Variants in PCDHGA2 observed in about 807,000 individuals in gnomAD.
The protein encoded by PCDHGA2 is protocadherin gamma-A2.
Under a neutral mutation model 59.2 loss-of-function variants are expected in PCDHGA2, and 40 were observed. The ratio of observed to expected loss-of-function variants is 0.68; its 90% CI spans 0.52 to 0.88. The LOEUF (loss-of-function observed/expected upper bound fraction) is 0.88. PCDHGA2 is among the 40% of genes least tolerant of loss of function. The pLI is 0.00. For synonymous variants in PCDHGA2, 560 were observed against 526.0 expected (o/e 1.06, Z -0.89); for missense variants, 1,226 against 1,204.0 (o/e 1.02, Z -0.27).
At position 141,422,850 on chromosome 5, in the gene PCDHGA2, G is replaced by A. The variant is rs184432819; in HGVS notation, c.2425-71957G>A. On this transcript the variant is annotated intron_variant, in intron 1 of 3. Transcript: ENST00000394576. Reference sequence around the variant, plus strand: ...TGATAGCACGTGACAGCGGGGACCCGCCCCTCAGCAGCAACGTGTCGCTGA... The same window carrying A: ...TGATAGCACGTGACAGCGGGGACCCACCCCTCAGCAGCAACGTGTCGCTGA... 154 of 1,614,204 alleles carry A rather than the reference G, an allele frequency of 9.5e-5. 1 individual carries two copies. The African/African-American group carries it at 1.3e-3, about 14-fold the overall frequency.
Position 141,399,777 on chromosome 5 carries a change from C to T in PCDHGA2, c.2424+58382C>T, listed in dbSNP as rs751610227. On this transcript the variant is annotated intron_variant, in intron 1 of 3. Transcript: ENST00000394576. ...TGAGCCTGCGCGTGTTGGTGGGCGA[C>T]CGAAACGACAACGCACCGCGGGTGC... The T allele has an allele frequency of 3.7e-6, 6 of 1,613,304 alleles. No homozygotes were observed. The Admixed American group carries it at 8.3e-5, about 22-fold the overall frequency.
chr5:141,466,297 A>G (rs1206472131), intron 1 of PCDHGA2, among the ~76,000 whole-genome samples: 3 of 152,146 alleles, frequency 2.0e-5, no homozygotes, highest in East Asian at 1.9e-4. Flanking sequence ...CAGGCTCCCA[A>G]GTAGCTGGGA....
chr5:141,365,027 C>G, intron 1 of PCDHGA2: 1 of 1,613,896 alleles, frequency 6.2e-7, no homozygotes, highest in Non-Finnish European at 8.5e-7. Flanking sequence ...TGTTACGGTC[C>G]TCGACGCAAA....
intron 1 of PCDHGA2, among the ~76,000 whole-genome samples, chr5:141,363,604 C>T (rs907704240): frequency 6.6e-6 from 1 of 152,196 alleles, no homozygotes; most frequent in Non-Finnish European, 1.5e-5. Flanking sequence ...CAAACGCTGT[C>T]TGAGATAGTG....
intron 1 of PCDHGA2, chr5:141,478,053 T>A (rs1461280529): frequency 1.2e-6 from 2 of 1,614,010 alleles, no homozygotes; most frequent in Non-Finnish European, 1.7e-6. Context: ...ACTCTCACGG[T>A]CTTGATCAAA....
At chr5:141,415,740 GTTTTTTTTTTTTT>G (rs57426385) in intron 1 of PCDHGA2, 160 of 625,000 alleles carry the variant, frequency 2.6e-4, no homozygotes, top group Middle Eastern at 1.1e-3. Context: ...GTTTATTAAG[GTTTTTTTTTTTTT>G]TTTTTTTTTT....
intron 1 of PCDHGA2, chr5:141,419,541 G>A: frequency 6.2e-7 from 1 of 1,612,076 alleles, no homozygotes; most frequent in Non-Finnish European, 8.5e-7. Context: ...AACGCACCGC[G>A]GGTGCTGTAC....
intron 1 of PCDHGA2, among the ~76,000 whole-genome samples, chr5:141,457,822 C>A (rs1477393535): frequency 6.6e-6 from 1 of 152,178 alleles, no homozygotes; most frequent in Non-Finnish European, 1.5e-5. Context: ...AAGATAAACT[C>A]AGAGCTTCCA....
intron 1 of PCDHGA2, chr5:141,379,639 A>G (rs1775719450): frequency 6.6e-6 from 1 of 152,198 alleles, no homozygotes; most frequent in African/African-American, 2.4e-5. Context: ...CTCTGATGGA[A>G]AAACTACCAA....
chr5:141,401,922 A>C (rs899426870), intron 1 of PCDHGA2, among the ~76,000 whole-genome samples: 10 of 152,194 alleles, frequency 6.6e-5, no homozygotes, highest in Non-Finnish European at 1.3e-4. Flanking sequence ...AGTTTAAGTG[A>C]TGCTTAGAAT....
chr5:141,338,794 T>C lies in PCDHGA2; in HGVS notation c.-178T>C. 1 of 1,334,808 alleles carries C rather than the reference T, an allele frequency of 7.5e-7. No homozygotes were observed. Among genetic ancestry groups the C allele is most frequent in the Non-Finnish European group, 9.5e-7 (1 of 1,047,658 alleles). The allele number at this position is 1,334,808 out of a possible 1,614,324, so 82.7% of individuals were successfully genotyped here. The stretch of plus-strand genomic sequence containing the variant: ...ATACGGCTCCCACAGCACAAGGGGG[T>C]GGAGGTTTGGCCCTAAAGCTTCAGG... On this transcript the variant is annotated 5_prime_UTR_variant, in exon 1 of 4. Transcript: ENST00000394576.
At chr5:141,346,211 G>A (rs778626948) in intron 1 of PCDHGA2, 4 of 1,614,182 alleles carry the variant, frequency 2.5e-6, no homozygotes, top group Non-Finnish European at 8.5e-7. Context: ...GCCTGCTGCA[G>A]GCTTCGGGAG....
intron 2 of PCDHGA2, among the ~76,000 whole-genome samples, chr5:141,496,335 C>G (rs2099768099): frequency 1.3e-5 from 2 of 152,204 alleles, no homozygotes; most frequent in Admixed American, 6.5e-5. Flanking sequence ...AAGTCAGGAG[C>G]CTGGAGGAGT....
Position 141,432,093 on chromosome 5 carries a change from C to G in PCDHGA2, c.2425-62714C>G. On this transcript the variant is annotated intron_variant, in intron 1 of 3. Coordinates refer to ENST00000394576, the MANE Select transcript of PCDHGA2 (RefSeq NM_018915.4). This position sits in a 1 kb window ranked among gnomAD's most constrained non-coding sequence, Gnocchi z 6.0. ...CATATCTCGCTGAACGTGGCAGACA[C>G]CAACGACAACCCGCCGGTCTTCCCT... 1 of 1,614,170 alleles carries G rather than the reference C, an allele frequency of 6.2e-7. No individual in the cohort carries two copies. The highest frequency in any genetic ancestry group is 8.5e-7 in the Non-Finnish European group (1 of 1,180,046).
chr5:141,504,705 T>C (rs960774850), intron 2 of PCDHGA2, among the ~76,000 whole-genome samples: 19 of 151,608 alleles, frequency 1.3e-4, no homozygotes, highest in Middle Eastern at 3.4e-3. Flanking sequence ...GGTTCTTCTA[T>C]GGCCGTGGAT....
Position 141,491,508 on chromosome 5 carries a change from G to A in PCDHGA2, c.2425-3299G>A. The A allele has an allele frequency of 6.2e-7, 1 of 1,614,030 alleles. No individual in the cohort carries two copies. The highest frequency in any genetic ancestry group is 8.5e-7 in the Non-Finnish European group (1 of 1,180,014). The stretch of plus-strand genomic sequence containing the variant: ...ACCTGCAGGTGAGCTCGGACGGCAC[G>A]CTCAAGTACATGGAGGTGACGCTGC... On this transcript the variant is annotated intron_variant, in intron 1 of 3. Transcript: ENST00000394576. This position sits in a 1 kb window ranked among gnomAD's most constrained non-coding sequence, Gnocchi z 6.9.
At chr5:141,492,601 C>T (rs1374321466) in intron 1 of PCDHGA2, among the ~76,000 whole-genome samples, 2 of 152,220 alleles carry the variant, frequency 1.3e-5, no homozygotes, top group East Asian at 3.9e-4. Context: ...GGAGCGACTG[C>T]CGCTCTAAGT....
Position 141,403,721 on chromosome 5 carries a change from C to T in PCDHGA2, c.2424+62326C>T, listed in dbSNP as rs748888364. On this transcript the variant is annotated intron_variant, in intron 1 of 3. Coordinates refer to ENST00000394576, the MANE Select transcript of PCDHGA2 (RefSeq NM_018915.4). ...AGTTAAAGTCCTTGAGAACGTGCCC[C>T]CAGGCACCTGGCTGCTTACTGCAAC... 5 of 1,613,754 alleles carry T rather than the reference C, an allele frequency of 3.1e-6. No individual in the cohort carries two copies. The highest frequency in any genetic ancestry group is 2.2e-5 in the East Asian group (1 of 44,878).
At chr5:141,484,506 G>T (rs1442936814) in intron 1 of PCDHGA2, among the ~76,000 whole-genome samples, 1 of 152,186 alleles carries the variant, frequency 6.6e-6, no homozygotes, top group Non-Finnish European at 1.5e-5. Context: ...TGAATATTCT[G>T]CAGAAGGGCA....
Sources: gnomAD v4.1 joint callset for allele counts (sites outside exome capture counted in the v4.1 genomes callset) on GRCh38, gnomAD v4.1.1 for gene constraint, Gnocchi (gnomAD v3.1) non-coding constraint, MANE v1.5 for transcripts, NCBI Gene and HGNC (gene_info 2026-07-23, HGNC 2026-07-21) for gene names.